MACROD2: variants seen among roughly 807,000 people sequenced by gnomAD.
MACROD2 encodes ADP-ribose glycohydrolase MACROD2.
MACROD2 carries 36 observed loss-of-function variants against 70.4 expected under a neutral mutation model. The observed-to-expected ratio is 0.51, with a 90% CI of 0.39 to 0.68. The LOEUF is 0.68. MACROD2 is among the 30% of genes least tolerant of loss of function. MACROD2 has a pLI of 0.00. For synonymous variants in MACROD2, 172 were observed against 178.8 expected (o/e 0.96, Z 0.30); for missense variants, 496 against 538.4 (o/e 0.92, Z 0.78).
At position 14,274,594 on chromosome 20, in the gene MACROD2, G is replaced by A. The variant is rs1601423981; in HGVS notation, c.271+188866G>A. ...CCCTTTGAAAACTGGCACAAGACAG[G>A]GATGCCCTCTCTCACCACTCCTATT... On this transcript the variant is annotated intron_variant, in intron 3 of 17. Coordinates refer to ENST00000684519, the MANE Select transcript of MACROD2 (RefSeq NM_001351661.2). 3.3e-5 allele frequency among the ~76,000 whole-genome samples: 5 copies of A among 152,112 alleles called. No homozygotes were observed. The South Asian group carries it at 1.0e-3, about 32-fold the overall frequency.
At chr20:15,846,889 C>G (rs531635411) in intron 8 of MACROD2, among the ~76,000 whole-genome samples, 5 of 143,836 alleles carry the variant, frequency 3.5e-5, no homozygotes, top group South Asian at 4.2e-4. Context: ...TAAAGTGGAC[C>G]TTGACATAGT....
At chr20:14,881,367 G>T (rs2122467280) in intron 5 of MACROD2, among the ~76,000 whole-genome samples, 1 of 151,258 alleles carries the variant, frequency 6.6e-6, no homozygotes, top group South Asian at 2.1e-4. Context: ...TTGGTCTCTA[G>T]GTCTAAGAGG....
Position 14,341,205 on chromosome 20 carries a change from C to T in MACROD2, c.272-152274C>T, listed in dbSNP as rs189513660. ...AAGAAACTAGTAGGACTAGATGATC[C>T]CCAAACTATCTCCAACTATGAAGTT... is the stretch of plus-strand genomic sequence containing the variant. On this transcript the variant is annotated intron_variant, in intron 3 of 17. Coordinates refer to ENST00000684519, the MANE Select transcript of MACROD2 (RefSeq NM_001351661.2). Among the ~76,000 whole-genome samples, 5 of 152,236 alleles carry T rather than the reference C, an allele frequency of 3.3e-5. No homozygotes were observed. In the East Asian group the frequency reaches 9.7e-4, roughly 29 times the overall value.
chr20:15,028,371 A>C (rs1262510137), intron 5 of MACROD2, among the ~76,000 whole-genome samples: 3 of 152,326 alleles, frequency 2.0e-5, no homozygotes, highest in Admixed American at 1.3e-4. Context: ...AGTGAGGAAC[A>C]ATGCTGGGAT....
chr20:15,484,077 A>ATTTTATTTTGTTTTG (rs146978121), intron 7 of MACROD2, among the ~76,000 whole-genome samples: 9 of 149,802 alleles, frequency 6.0e-5, no homozygotes, highest in Non-Finnish European at 1.5e-5. Context: ...ATTTTATTTT[A>ATTTTATTTTGTTTTG]TTTTATTTTT....
intron 5 of MACROD2, among the ~76,000 whole-genome samples, chr20:15,163,980 T>C (rs530183123): frequency 6.6e-6 from 1 of 151,998 alleles, no homozygotes; most frequent in Non-Finnish European, 1.5e-5. Context: ...TGCATTCTAC[T>C]GGGGGAGGCA....
At chr20:15,021,011 T>G (rs890011548) in intron 5 of MACROD2, among the ~76,000 whole-genome samples, 4 of 147,686 alleles carry the variant, frequency 2.7e-5, no homozygotes, top group African/African-American at 9.9e-5. Context: ...CATACACATG[T>G]GTATATGTAT....
At chr20:14,379,610 C>A (rs370660615) in intron 3 of MACROD2, among the ~76,000 whole-genome samples, 2 of 152,030 alleles carry the variant, frequency 1.3e-5, no homozygotes, top group African/African-American at 4.8e-5. Flanking sequence ...AATAATTCCC[C>A]ATTTTTACCT....
chr20:14,367,316 A>G (rs2083281672), intron 3 of MACROD2, among the ~76,000 whole-genome samples: 1 of 152,238 alleles, frequency 6.6e-6, no homozygotes. Context: ...GATACAAACA[A>G]AAATACAATA....
chr20:14,415,962 A>ATTTT (rs11481895), intron 3 of MACROD2, among the ~76,000 whole-genome samples: 2 of 140,236 alleles, frequency 1.4e-5, no homozygotes, highest in African/African-American at 5.3e-5. Flanking sequence ...GTTGTCCTCT[A>ATTTT]TTTTTTTTTT....
chr20:14,973,872 G>C (rs1006804769), intron 5 of MACROD2, among the ~76,000 whole-genome samples: 1 of 152,126 alleles, frequency 6.6e-6, no homozygotes, highest in Admixed American at 6.5e-5. Context: ...AGAATAGAAA[G>C]TGTCAGTTAC....
At chr20:15,880,645 G>T (rs1185583162) in intron 9 of MACROD2, among the ~76,000 whole-genome samples, 1 of 151,954 alleles carries the variant, frequency 6.6e-6, no homozygotes, top group African/African-American at 2.4e-5. Context: ...GGAAGCAAGG[G>T]ATCTGGGGTA....
rs118035453 is a variant in MACROD2, at chr20:14,392,662, C to A, written c.272-100817C>A. ...TTTTGCCATGAGTTAAATATTAGTC[C>A]AAAATGAATCTACATTTTGTTATAA... On this transcript the variant is annotated intron_variant, in intron 3 of 17. Coordinates refer to ENST00000684519, the MANE Select transcript of MACROD2 (RefSeq NM_001351661.2). Among the ~76,000 whole-genome samples the A allele has an allele frequency of 2.1e-3, 321 of 152,070 alleles. 10 individuals are homozygous for A. In the East Asian group the frequency reaches 0.049, roughly 23 times the overall value.
chr20:14,797,625 A>C (rs958768710), intron 5 of MACROD2, among the ~76,000 whole-genome samples: 3 of 151,990 alleles, frequency 2.0e-5, no homozygotes, highest in African/African-American at 7.3e-5. Flanking sequence ...AGTCTTCCCC[A>C]AGCCCCGGGT....
chr20:15,030,689 T>C (rs1205435149), intron 5 of MACROD2, among the ~76,000 whole-genome samples: 1 of 144,926 alleles, frequency 6.9e-6, no homozygotes, highest in Non-Finnish European at 1.5e-5. Context: ...AGATAGATAG[T>C]CTAGGGAGTA....
chr20:16,018,809 T>A (rs1417932398), intron 15 of MACROD2, among the ~76,000 whole-genome samples: 1 of 152,208 alleles, frequency 6.6e-6, no homozygotes, highest in Non-Finnish European at 1.5e-5. Flanking sequence ...AGGAAATAAT[T>A]GTTGCCCCCC....
intron 3 of MACROD2, among the ~76,000 whole-genome samples, chr20:14,447,031 T>G (rs915242690): frequency 6.6e-6 from 1 of 152,058 alleles, no homozygotes; most frequent in Non-Finnish European, 1.5e-5. Context: ...ATTTTTTCCT[T>G]TTTTTGAGAT....
intron 13 of MACROD2, among the ~76,000 whole-genome samples, chr20:15,969,086 C>T (rs2066189874): frequency 2.6e-5 from 4 of 152,030 alleles, no homozygotes; most frequent in South Asian, 2.1e-4. Flanking sequence ...CCCAAAGATA[C>T]GTAACCTAGC....
At chr20:15,297,801 G>A (rs1410807915) in intron 6 of MACROD2, among the ~76,000 whole-genome samples, 1 of 152,148 alleles carries the variant, frequency 6.6e-6, no homozygotes, top group African/African-American at 2.4e-5. Flanking sequence ...CCTGGTGACC[G>A]AAAGTATAAT....
Sources: gnomAD v4.1 joint callset for allele counts (sites outside exome capture counted in the v4.1 genomes callset) on GRCh38, gnomAD v4.1.1 for gene constraint, MANE v1.5 for transcripts, NCBI Gene and HGNC (gene_info 2026-07-23, HGNC 2026-07-21) for gene names.